SBF2: variants seen among roughly 807,000 people sequenced by gnomAD.
The protein encoded by SBF2 is myotubularin-related protein 13.
In SBF2, 112 loss-of-function variants were observed where a neutral mutation model predicts 225.2. The observed-to-expected ratio is 0.50, with a 90% CI of 0.43 to 0.58. The LOEUF is 0.58. Among genes scored for constraint, SBF2 ranks in the 20% least tolerant of loss-of-function variants. The pLI is 0.00. For synonymous variants in SBF2, 763 were observed against 773.3 expected (o/e 0.99, Z 0.22); for missense variants, 1,996 against 2,206.2 (o/e 0.90, Z 1.91).
chr11:9,782,302 GA>G (rs1341153115), intron 38 of SBF2, among the ~76,000 whole-genome samples: 1 of 151,690 alleles, frequency 6.6e-6, no homozygotes, highest in African/African-American at 2.4e-5. Flanking sequence ...AGATAAAGTA[GA>G]AAAATGCTCA....
intron 2 of SBF2, among the ~76,000 whole-genome samples, chr11:10,175,050 C>A (rs1404245813): frequency 6.6e-6 from 1 of 151,948 alleles, no homozygotes; most frequent in Non-Finnish European, 1.5e-5. Context: ...CCAGCCGCTG[C>A]AAAATCATGC....
Position 9,780,460 on chromosome 11 carries a change from C to G in SBF2, c.5508G>C (p.Gln1836His), listed in dbSNP as rs1049944235. Residue 1836 changes from glutamine to histidine, a missense_variant, in exon 40 of 40, where the codon CAG (glutamine) becomes CAC (histidine). Gln to His is a conservative substitution (Grantham distance 24). Coordinates refer to ENST00000256190, the MANE Select transcript of SBF2 (RefSeq NM_030962.4). The stretch of plus-strand genomic sequence containing the variant: ...AACTCTGGATCTTGTCCATCCATTG[C>G]TGGGCACTCTGTCCATCCTGGGCGC... ...NFCAQDGQSA[Q>H]QWMDKIQSCI... 2.5e-6 allele frequency: 4 copies of G among 1,614,156 alleles called. No individual in the cohort carries two copies. Among genetic ancestry groups the G allele is most frequent in the Non-Finnish European group, 3.4e-6 (4 of 1,180,014 alleles).
intron 1 of SBF2, among the ~76,000 whole-genome samples, chr11:10,258,081 TACAC>T (rs57653852): frequency 1.1e-3 from 158 of 138,954 alleles, no homozygotes; most frequent in Admixed American, 3.3e-3. Flanking sequence ...TACACACACA[TACAC>T]ACACACACAC....
At chr11:9,780,830 G>A (rs1851957198) in intron 39 of SBF2, 1 of 381,188 alleles carries the variant, frequency 2.6e-6, no homozygotes, top group African/African-American at 2.1e-5. Flanking sequence ...CCTTTCCCAT[G>A]CACTGCACCA....
chr11:9,795,840 A>T lies in SBF2; in HGVS notation c.4561T>A (p.Leu1521Ile), dbSNP rs906589672. Residue 1521 changes from leucine (L) to isoleucine (I), a missense_variant, in exon 33 of 40, where the codon TTA (leucine) becomes ATA (isoleucine). Leu to Ile is a conservative substitution (Grantham distance 5, BLOSUM62 2). Coordinates refer to ENST00000256190, the MANE Select transcript of SBF2 (RefSeq NM_030962.4). ...TFLLDSDYERLEHGTLFDDKG... is the reference protein window; with the variant it reads ...TFLLDSDYERIEHGTLFDDKG... ...GCATACAGACACATACCGTGCTCTA[A>T]TCTTTCATAGTCTGAATCCAGGAGA... is the stretch of plus-strand genomic sequence containing the variant. 1 of 1,613,746 alleles carries T rather than the reference A, an allele frequency of 6.2e-7. No individual in the cohort carries two copies. Among genetic ancestry groups the T allele is most frequent in the African/African-American group, 1.3e-5 (1 of 74,940 alleles).
chr11:9,881,146 C>A (rs1859732603), intron 17 of SBF2, among the ~76,000 whole-genome samples: 2 of 152,230 alleles, frequency 1.3e-5, no homozygotes, highest in Admixed American at 6.5e-5. Context: ...CTCATTTCTT[C>A]AAGTCCAACA....
intron 2 of SBF2, among the ~76,000 whole-genome samples, chr11:10,084,991 T>C (rs953427006): frequency 6.6e-6 from 1 of 152,094 alleles, no homozygotes; most frequent in African/African-American, 2.4e-5. Context: ...CAATATATAT[T>C]AGTTGGGTGA....
chr11:9,835,631 C>CAAAAAAA (rs58436467), intron 26 of SBF2, among the ~76,000 whole-genome samples: 1,152 of 62,106 alleles, frequency 0.019, 127 homozygotes, highest in African/African-American at 0.07. Context: ...GACCTTGTCT[C>CAAAAAAA]AAAAAAAAAA....
chr11:9,862,352 A>C (rs1483535820), intron 17 of SBF2, among the ~76,000 whole-genome samples: 1 of 152,168 alleles, frequency 6.6e-6, no homozygotes, highest in African/African-American at 2.4e-5. Flanking sequence ...AGACTCCATC[A>C]TGGCTTGATC....
chr11:10,065,077 C>T (rs7950718), intron 2 of SBF2, among the ~76,000 whole-genome samples: 10,499 of 148,982 alleles, frequency 0.07, 705 homozygotes, highest in East Asian at 0.19. Context: ...AAAATATGTT[C>T]TCATGTCAAA....
chr11:10,008,531 T>C (rs759084756), intron 6 of SBF2, among the ~76,000 whole-genome samples: 16 of 152,236 alleles, frequency 1.1e-4, no homozygotes, highest in South Asian at 2.1e-4. Flanking sequence ...GCTCCAACTA[T>C]TGGCTGTCTT....
rs138285124 is a variant in SBF2 at position 10,184,796 on chromosome 11, C to T, written c.141+9106G>A. Among the ~76,000 whole-genome samples, 44 of 152,258 alleles carry T rather than the reference C, an allele frequency of 2.9e-4. 1 individual carries two copies. The East Asian group carries it at 4.1e-3, about 14-fold the overall frequency. On this transcript the variant is annotated intron_variant, in intron 2 of 39. Coordinates refer to ENST00000256190, the MANE Select transcript of SBF2 (RefSeq NM_030962.4). The stretch of plus-strand genomic sequence containing the variant: ...GGCTGGAGTGCAATGGCGTGATCTC[C>T]GCTCACTGCAAGCTCTGCCTCCTGG...
chr11:10,273,104 A>C (rs1962665693), intron 1 of SBF2, among the ~76,000 whole-genome samples: 1 of 152,106 alleles, frequency 6.6e-6, no homozygotes, highest in Admixed American at 6.5e-5. Context: ...TAAATAAATG[A>C]ATAAATAAAT....
Position 10,251,725 on chromosome 11 carries a change from T to C in SBF2, c.55+42290A>G, listed in dbSNP as rs1040404467. On this transcript the variant is annotated intron_variant, in intron 1 of 39. Transcript: ENST00000256190. ...GTATTCTCTCAAAGGTTTTAAATGT[T>C]TGCATGCAGCCATACCTAGAATGTC... is the stretch of plus-strand genomic sequence containing the variant. Among the ~76,000 whole-genome samples, 81 of 152,200 alleles carry C rather than the reference T, an allele frequency of 5.3e-4. 1 individual carries two copies. The highest frequency in any genetic ancestry group is 1.6e-4 in the Non-Finnish European group (11 of 68,036).
chr11:10,023,897 C>T (rs745899446), intron 6 of SBF2, among the ~76,000 whole-genome samples: 8 of 151,926 alleles, frequency 5.3e-5, no homozygotes, highest in Non-Finnish European at 1.0e-4. Flanking sequence ...TACATTTTGA[C>T]TTATGTACAT....
chr11:10,023,907 T>C (rs1170435662), intron 6 of SBF2, among the ~76,000 whole-genome samples: 1 of 152,106 alleles, frequency 6.6e-6, no homozygotes, highest in Non-Finnish European at 1.5e-5. Context: ...CTTATGTACA[T>C]ACTTATAAAA....
intron 1 of SBF2, among the ~76,000 whole-genome samples, chr11:10,221,428 C>G (rs1165337852): frequency 6.6e-6 from 1 of 152,130 alleles, no homozygotes; most frequent in Non-Finnish European, 1.5e-5. Flanking sequence ...AAGACTGTTA[C>G]TTCCTAAGAG....
chr11:9,839,153 C>T (rs191469869), intron 26 of SBF2: 4 of 326,896 alleles, frequency 1.2e-5, no homozygotes, highest in Middle Eastern at 1.0e-3. Flanking sequence ...TTTGTGGCTC[C>T]CCAGCCTACA....
intron 32 of SBF2, among the ~76,000 whole-genome samples, chr11:9,804,331 A>G (rs775071228): frequency 7.9e-5 from 12 of 152,208 alleles, no homozygotes; most frequent in Admixed American, 7.2e-4. Context: ...TCTGGGCCCC[A>G]GACAAATTCT....
Sources: gnomAD v4.1 joint callset for allele counts (sites outside exome capture counted in the v4.1 genomes callset) on GRCh38, gnomAD v4.1.1 for gene constraint, MANE v1.5 for transcripts, NCBI Gene and HGNC (gene_info 2026-07-23, HGNC 2026-07-21) for gene names.